Variants in EYS observed in about 807,000 individuals in gnomAD.
EYS encodes the protein protein eyes shut homolog.
Under a neutral mutation model 282.1 loss-of-function variants are expected in EYS, and 250 were observed. The observed-to-expected ratio is 0.89, with a 90% CI of 0.80 to 0.98. The LOEUF is 0.98. EYS is among the 50% of genes least tolerant of loss of function. The pLI is 0.00. For missense variants in EYS, 4,016 were observed against 3,709.0 expected (o/e 1.08, Z -2.15); for synonymous variants, 1,355 against 1,282.9 (o/e 1.06, Z -1.20).
intron 22 of EYS, among the ~76,000 whole-genome samples, chr6:64,654,109 A>T (rs1583001686): frequency 6.6e-6 from 1 of 152,250 alleles, no homozygotes; most frequent in South Asian, 2.1e-4. Context: ...TTATTTGTAT[A>T]TGTCAGGTTT....
intron 29 of EYS, among the ~76,000 whole-genome samples, chr6:64,330,007 A>G (rs1269360740): frequency 6.6e-6 from 1 of 150,880 alleles, no homozygotes; most frequent in East Asian, 2.0e-4. Context: ...GGATTGAAAA[A>G]CTCCCCAACC....
intron 18 of EYS, among the ~76,000 whole-genome samples, chr6:64,898,043 T>A (rs1452920400): frequency 6.6e-6 from 1 of 152,130 alleles, no homozygotes; most frequent in African/African-American, 2.4e-5. Flanking sequence ...CAGGATATCA[T>A]CTAGGAGAAC....
In EYS at chr6:65,495,078, G is replaced by C. The variant is rs536110253; in HGVS notation, c.333C>G (p.Phe111Leu). Residue 111 changes from phenylalanine to leucine, a missense_variant, in exon 4 of 43, where the codon TTC becomes TTG. Coordinates refer to ENST00000503581, the MANE Select transcript of EYS (RefSeq NM_001142800.2). ...INLMNVSETSFVGCVQNTTTE... is the reference protein window; with the variant it reads ...INLMNVSETSLVGCVQNTTTE... ...TTGTGGTATTTTGCACACAGCCAAC[G>C]AAAGATGTTTCAGAAACATTCATCA... 6.2e-7 allele frequency: 1 copy of C among 1,614,184 alleles called. No homozygotes were observed.
At chr6:64,292,563 A>G (rs1768750988) in intron 30 of EYS, among the ~76,000 whole-genome samples, 1 of 152,084 alleles carries the variant, frequency 6.6e-6, no homozygotes, top group Non-Finnish European at 1.5e-5. Context: ...GATTTGAGGT[A>G]AGAGTAGTCA....
At chr6:65,406,298 G>C (rs893554052) in intron 5 of EYS, among the ~76,000 whole-genome samples, 4 of 151,942 alleles carry the variant, frequency 2.6e-5, no homozygotes, top group African/African-American at 9.7e-5. Context: ...AGCATTTTTT[G>C]AGTGAGTTCT....
intron 19 of EYS, among the ~76,000 whole-genome samples, chr6:64,860,497 C>T (rs1169148098): frequency 6.6e-6 from 1 of 152,166 alleles, no homozygotes; most frequent in Non-Finnish European, 1.5e-5. Flanking sequence ...TGTGACTGGG[C>T]CAGAAGTACT....
chr6:65,543,485 C>CTA (rs1352729860), intron 2 of EYS, among the ~76,000 whole-genome samples: 166 of 147,366 alleles, frequency 1.1e-3, no homozygotes, highest in African/African-American at 3.9e-3. Context: ...GTGTATATAT[C>CTA]TATATATATA....
chr6:65,416,775 T>C (rs1362280958), intron 5 of EYS, among the ~76,000 whole-genome samples: 1 of 152,012 alleles, frequency 6.6e-6, no homozygotes, highest in East Asian at 1.9e-4. Flanking sequence ...CCTGTAAGAA[T>C]GAAGCTATTA....
chr6:63,787,761 G>C (rs1770403569), intron 39 of EYS, among the ~76,000 whole-genome samples: 1 of 152,166 alleles, frequency 6.6e-6, no homozygotes, highest in East Asian at 1.9e-4. Flanking sequence ...GACCAACATG[G>C]AGAAACCTCA....
intron 12 of EYS, among the ~76,000 whole-genome samples, chr6:65,202,612 T>C (rs903713561): frequency 6.6e-6 from 1 of 152,080 alleles, no homozygotes; most frequent in Non-Finnish European, 1.5e-5. Context: ...TGTCAAAACA[T>C]AGAGAAAGGT....
chr6:65,289,966 A>G (rs992128774), intron 12 of EYS, among the ~76,000 whole-genome samples: 4 of 151,270 alleles, frequency 2.6e-5, no homozygotes, highest in African/African-American at 9.7e-5. Flanking sequence ...TGCCAAGTAA[A>G]TTTAGAAGTC....
At chr6:65,277,180 A>AT (rs943596034) in intron 12 of EYS, among the ~76,000 whole-genome samples, 11 of 152,124 alleles carry the variant, frequency 7.2e-5, no homozygotes, top group African/African-American at 2.4e-4. Context: ...CATGCCTGTA[A>AT]TTCCAGCACT....
chr6:64,377,106 T>TA (rs1772585368), intron 29 of EYS, among the ~76,000 whole-genome samples: 6 of 151,946 alleles, frequency 3.9e-5, no homozygotes, highest in African/African-American at 1.5e-4. Context: ...GATAGATAGA[T>TA]GGATAGATAG....
At chr6:65,390,121 T>A (rs1174516317) in intron 7 of EYS, among the ~76,000 whole-genome samples, 1 of 151,802 alleles carries the variant, frequency 6.6e-6, no homozygotes, top group African/African-American at 2.4e-5. Flanking sequence ...ACAGGCATGA[T>A]AACTTATAGG....
chr6:64,046,644 C>G (rs970254033), intron 33 of EYS, among the ~76,000 whole-genome samples: 2 of 151,902 alleles, frequency 1.3e-5, no homozygotes, highest in African/African-American at 4.8e-5. Context: ...TTTTCAAAAG[C>G]TGCCTAAGTG....
intron 12 of EYS, among the ~76,000 whole-genome samples, chr6:65,061,384 A>G (rs1773569400): frequency 6.6e-6 from 1 of 151,940 alleles, no homozygotes; most frequent in Admixed American, 6.6e-5. Flanking sequence ...TTTAAAATAG[A>G]CTTTAATTTT....
At chr6:65,644,675 G>A (rs1022632508) in intron 1 of EYS, among the ~76,000 whole-genome samples, 8 of 152,176 alleles carry the variant, frequency 5.3e-5, no homozygotes, top group African/African-American at 1.7e-4. Flanking sequence ...AAAGCATCAC[G>A]TAACCTATAA....
At chr6:65,273,542 C>A (rs72883295) in intron 12 of EYS, among the ~76,000 whole-genome samples, 177 of 152,238 alleles carry the variant, frequency 1.2e-3, no homozygotes, top group Non-Finnish European at 2.0e-3. Context: ...AAGAAATGGG[C>A]TCCAGACACC....
intron 5 of EYS, among the ~76,000 whole-genome samples, chr6:65,409,358 T>C (rs1416669831): frequency 6.6e-6 from 1 of 152,222 alleles, no homozygotes; most frequent in Non-Finnish European, 1.5e-5. Flanking sequence ...GGTGTTTCAC[T>C]TCACAGTTAA....
Sources: gnomAD v4.1 joint callset for allele counts (sites outside exome capture counted in the v4.1 genomes callset) on GRCh38, gnomAD v4.1.1 for gene constraint, MANE v1.5 for transcripts, NCBI Gene and HGNC (gene_info 2026-07-23, HGNC 2026-07-21) for gene names.